NCAM2: variants seen among roughly 807,000 people sequenced by gnomAD.
The protein encoded by NCAM2 is neural cell adhesion molecule 2.
Under a neutral mutation model 98.1 loss-of-function variants are expected in NCAM2, and 30 were observed. The observed-to-expected ratio is 0.31, with a 90% CI of 0.23 to 0.41. The LOEUF (loss-of-function observed/expected upper bound fraction) is 0.41, where lower values mean the gene tolerates loss of function less well. NCAM2 is among the 10% of genes least tolerant of loss of function. NCAM2 has a pLI of 1.00. For missense variants in NCAM2, 867 were observed against 1,005.8 expected (o/e 0.86, Z 1.87); for synonymous variants, 368 against 342.4 (o/e 1.07, Z -0.83).
intron 5 of NCAM2, among the ~76,000 whole-genome samples, chr21:21,295,968 G>T (rs994063476): frequency 5.3e-5 from 8 of 151,584 alleles, no homozygotes; most frequent in African/African-American, 1.9e-4. Flanking sequence ...ACAAATTTTT[G>T]TCACCTTATT....
At chr21:21,518,114 G>A in intron 16 of NCAM2, among the ~76,000 whole-genome samples, 1 of 152,050 alleles carries the variant, frequency 6.6e-6, no homozygotes, top group South Asian at 2.1e-4. Context: ...ATAATGCCTG[G>A]CATTTAATAA....
At chr21:21,245,500 T>C (rs1347324993) in intron 1 of NCAM2, among the ~76,000 whole-genome samples, 1 of 152,204 alleles carries the variant, frequency 6.6e-6, no homozygotes, top group African/African-American at 2.4e-5. Flanking sequence ...AGAAAAGTAA[T>C]GGCATCCACC....
intron 9 of NCAM2, among the ~76,000 whole-genome samples, chr21:21,391,213 A>T (rs1181489338): frequency 6.6e-6 from 1 of 152,110 alleles, no homozygotes; most frequent in East Asian, 1.9e-4. Context: ...AATAGAAATA[A>T]TAATAATATT....
At chr21:21,356,191 A>G (rs112566533) in intron 8 of NCAM2, among the ~76,000 whole-genome samples, 4 of 152,296 alleles carry the variant, frequency 2.6e-5, no homozygotes, top group African/African-American at 9.6e-5. Flanking sequence ...TTAAACTTAT[A>G]ACAATTTAAA....
chr21:21,024,011 A>G (rs1321553410), intron 1 of NCAM2, among the ~76,000 whole-genome samples: 3 of 152,184 alleles, frequency 2.0e-5, no homozygotes, highest in African/African-American at 7.2e-5. Flanking sequence ...AAAAAGATGT[A>G]TAAACCCTGG....
chr21:21,440,750 G>GA (rs935354934), intron 12 of NCAM2, among the ~76,000 whole-genome samples: 5 of 151,460 alleles, frequency 3.3e-5, no homozygotes, highest in African/African-American at 4.8e-5. Context: ...AAAAAGAAAA[G>GA]AAAAAAATGG....
At chr21:21,313,420 T>C (rs1186569132) in intron 5 of NCAM2, among the ~76,000 whole-genome samples, 1 of 151,954 alleles carries the variant, frequency 6.6e-6, no homozygotes, top group Non-Finnish European at 1.5e-5. Flanking sequence ...TTTTCCTGCT[T>C]AATTGGCCTT....
intron 1 of NCAM2, among the ~76,000 whole-genome samples, chr21:21,012,706 A>AT (rs1331832114): frequency 2.0e-5 from 3 of 151,882 alleles, no homozygotes; most frequent in East Asian, 1.9e-4. Context: ...CAGATACTGC[A>AT]TTTTTTTTAC....
intron 1 of NCAM2, among the ~76,000 whole-genome samples, chr21:21,078,307 TATTA>T (rs999133149): frequency 5.9e-5 from 9 of 152,244 alleles, no homozygotes; most frequent in African/African-American, 2.2e-4. Context: ...TAGTTCATTT[TATTA>T]ATTATCTTGC....
intron 1 of NCAM2, among the ~76,000 whole-genome samples, chr21:21,230,249 A>G (rs2070566451): frequency 6.6e-6 from 1 of 151,134 alleles, no homozygotes; most frequent in African/African-American, 2.4e-5. Context: ...AGAAGCAATC[A>G]TTTTTCTATA....
chr21:21,142,707 A>G (rs941174294), intron 1 of NCAM2, among the ~76,000 whole-genome samples: 1 of 152,096 alleles, frequency 6.6e-6, no homozygotes, highest in Non-Finnish European at 1.5e-5. Context: ...GTAATTATGT[A>G]AAATGTTTTT....
At chr21:21,289,139 T>C (rs183521850) in intron 4 of NCAM2, among the ~76,000 whole-genome samples, 131 of 152,058 alleles carry the variant, frequency 8.6e-4, no homozygotes, top group African/African-American at 3.0e-3. Context: ...CTAATTGATA[T>C]ACTCCTTCTG....
At chr21:21,204,761 A>AAG (rs1474759418) in intron 1 of NCAM2, among the ~76,000 whole-genome samples, 1 of 152,146 alleles carries the variant, frequency 6.6e-6, no homozygotes, top group Non-Finnish European at 1.5e-5. Flanking sequence ...GGCTATTGCC[A>AAG]ATTTATTCAT....
At chr21:21,445,853 T>C (rs1436943462) in intron 12 of NCAM2, among the ~76,000 whole-genome samples, 1 of 152,174 alleles carries the variant, frequency 6.6e-6, no homozygotes, top group Non-Finnish European at 1.5e-5. Context: ...ATGTGTGAGT[T>C]TGATCCTGAT....
chr21:21,468,881 G>A (rs921289462), intron 14 of NCAM2, 98 bp downstream of exon 14: 1 of 1,027,432 alleles, frequency 9.7e-7, no homozygotes, highest in Non-Finnish European at 1.4e-6. Context: ...TGTGTATTTA[G>A]TAATTGTGGT....
chr21:21,357,908 A>C (rs990551134), intron 8 of NCAM2, among the ~76,000 whole-genome samples: 1 of 152,154 alleles, frequency 6.6e-6, no homozygotes, highest in Non-Finnish European at 1.5e-5. Flanking sequence ...AAGGAACAAT[A>C]ATATGTTTGT....
intron 1 of NCAM2, among the ~76,000 whole-genome samples, chr21:21,204,826 T>C (rs2069373465): frequency 6.6e-6 from 1 of 152,168 alleles, no homozygotes; most frequent in Non-Finnish European, 1.5e-5. Flanking sequence ...TTTGGTGTGT[T>C]ATGCACAGCA....
intron 1 of NCAM2, among the ~76,000 whole-genome samples, chr21:21,279,427 C>T (rs144185197): frequency 5.3e-5 from 8 of 152,206 alleles, no homozygotes; most frequent in East Asian, 3.9e-4. Flanking sequence ...CGTGCGATCT[C>T]GGCTCACTGC....
intron 9 of NCAM2, among the ~76,000 whole-genome samples, chr21:21,401,154 AT>A (rs2076621387): frequency 6.6e-6 from 1 of 152,130 alleles, no homozygotes; most frequent in Middle Eastern, 3.2e-3. Flanking sequence ...CACAAATTTT[AT>A]TTTGTTTTCA....
Sources: gnomAD v4.1 joint callset for allele counts (sites outside exome capture counted in the v4.1 genomes callset) on GRCh38, gnomAD v4.1.1 for gene constraint, MANE v1.5 for transcripts, NCBI Gene and HGNC (gene_info 2026-07-23, HGNC 2026-07-21) for gene names.